ARHGAP44: variants seen among roughly 807,000 people sequenced by gnomAD.
ARHGAP44 encodes rho GTPase-activating protein 44.
In ARHGAP44, 43 loss-of-function variants were observed where a neutral mutation model predicts 106.8. That is an observed-to-expected ratio of 0.40 (90% CI 0.32 to 0.52). The LOEUF (loss-of-function observed/expected upper bound fraction) is 0.52, where lower values mean the gene tolerates loss of function less well. ARHGAP44 is among the 20% of genes least tolerant of loss of function. The pLI is 0.48. For missense variants in ARHGAP44, 866 were observed against 1,050.5 expected (o/e 0.82, Z 2.43); for synonymous variants, 439 against 410.3 (o/e 1.07, Z -0.85).
intron 1 of ARHGAP44, among the ~76,000 whole-genome samples, chr17:12,864,210 A>C (rs2036170521): frequency 1.3e-5 from 2 of 152,194 alleles, no homozygotes; most frequent in Admixed American, 1.3e-4. Flanking sequence ...GCAATTGTGA[A>C]TGAGGCTGGG....
At chr17:12,828,090 C>G (rs2034975697) in intron 1 of ARHGAP44, among the ~76,000 whole-genome samples, 1 of 146,226 alleles carries the variant, frequency 6.8e-6, no homozygotes. Flanking sequence ...TAAAATATTA[C>G]ATTGAATCAT....
At chr17:12,790,136 C>G (rs539325925) in intron 1 of ARHGAP44, 27 of 473,130 alleles carry the variant, frequency 5.7e-5, no homozygotes, top group Middle Eastern at 5.4e-4. Flanking sequence ...TGTGACGCAT[C>G]CTTTACCTGC....
chr17:12,855,473 T>G (rs1188239704), intron 1 of ARHGAP44, among the ~76,000 whole-genome samples: 1 of 152,154 alleles, frequency 6.6e-6, no homozygotes, highest in African/African-American at 2.4e-5. Flanking sequence ...TTTCTCACCA[T>G]AAGATTCTAC....
intron 1 of ARHGAP44, among the ~76,000 whole-genome samples, chr17:12,813,098 A>G (rs1281842950): frequency 1.3e-5 from 2 of 152,106 alleles, no homozygotes; most frequent in Admixed American, 1.3e-4. Context: ...GCTGCTTTGC[A>G]CCGTCCTGCC....
At chr17:12,901,215 C>T (rs1041647135) in intron 3 of ARHGAP44, among the ~76,000 whole-genome samples, 2 of 152,076 alleles carry the variant, frequency 1.3e-5, no homozygotes, top group African/African-American at 4.8e-5. Context: ...TGAGCCACCA[C>T]ACCCGGCCAA....
At chr17:12,938,600 A>AAAC in intron 7 of ARHGAP44, among the ~76,000 whole-genome samples, 1 of 151,400 alleles carries the variant, frequency 6.6e-6, no homozygotes, top group East Asian at 1.9e-4. Context: ...AAAAAAAAAA[A>AAAC]AAACAGCTGC....
intron 4 of ARHGAP44, among the ~76,000 whole-genome samples, chr17:12,912,363 A>G (rs1341242078): frequency 6.6e-6 from 1 of 152,222 alleles, no homozygotes; most frequent in African/African-American, 2.4e-5. Flanking sequence ...ATACACTCAG[A>G]CAATAGAACA....
At chr17:12,952,071 C>CAGGA (rs1357744126) in intron 12 of ARHGAP44, among the ~76,000 whole-genome samples, 3 of 152,166 alleles carry the variant, frequency 2.0e-5, no homozygotes, top group Non-Finnish European at 4.4e-5. Context: ...TAGGGATTAC[C>CAGGA]AGGACAGTGC....
intron 1 of ARHGAP44, among the ~76,000 whole-genome samples, chr17:12,880,765 C>G (rs1669336913): frequency 6.6e-6 from 1 of 152,016 alleles, no homozygotes; most frequent in Non-Finnish European, 1.5e-5. Context: ...GAATATTGTT[C>G]TGTTAAAAGG....
intron 1 of ARHGAP44, among the ~76,000 whole-genome samples, chr17:12,863,168 A>T (rs1436465729): frequency 1.3e-5 from 2 of 151,930 alleles, no homozygotes; most frequent in African/African-American, 2.4e-5. Flanking sequence ...TTAAAAAATT[A>T]AAAAAATTTT....
intron 1 of ARHGAP44, 44 bp from the exon 2 acceptor site, chr17:12,894,894 CTG>C: frequency 6.5e-7 from 1 of 1,536,072 alleles, no homozygotes; most frequent in Non-Finnish European, 8.8e-7. Flanking sequence ...TTATGAGGCT[CTG>C]TTGTTAGTTT....
At chr17:12,811,108 C>T (rs919544802) in intron 1 of ARHGAP44, among the ~76,000 whole-genome samples, 8 of 151,924 alleles carry the variant, frequency 5.3e-5, no homozygotes, top group East Asian at 1.9e-4. Flanking sequence ...GTCAGGAGAT[C>T]GAGACCATCC....
intron 1 of ARHGAP44, among the ~76,000 whole-genome samples, chr17:12,846,023 A>T (rs1046663249): frequency 6.7e-6 from 1 of 148,534 alleles, no homozygotes. Context: ...GGTGAGTGAG[A>T]ACTTTGACCT....
Position 12,974,158 on chromosome 17 carries a change from C to A in ARHGAP44, c.1611C>A (p.Ser537=). 6.4e-7 allele frequency: 1 copy of A among 1,556,174 alleles called. No individual in the cohort carries two copies. Among genetic ancestry groups the A allele is most frequent in the Non-Finnish European group, 8.7e-7 (1 of 1,150,464 alleles). The change falls in exon 18 of 21, where the codon TCC becomes TCA. Residue 537 remains serine (S), a synonymous_variant. Coordinates refer to ENST00000379672, the MANE Select transcript of ARHGAP44 (RefSeq NM_014859.6). ...RRGSSAGRKV[S]CAPPSMQPPA... is the part of the protein sequence containing the mutation. ...GCTCCTCGGCCGGTCGGAAAGTGTCCTGCGCCCCGCCCTCCATGCAGCCTC... is the reference window on the plus strand; with the variant it reads ...GCTCCTCGGCCGGTCGGAAAGTGTCATGCGCCCCGCCCTCCATGCAGCCTC...
At chr17:12,973,254 A>T in intron 16 of ARHGAP44, 48 bp from the exon 17 acceptor site, 4 of 1,584,750 alleles carry the variant, frequency 2.5e-6, no homozygotes, top group Non-Finnish European at 3.4e-6. Flanking sequence ...GTCCAAAGGA[A>T]GGCCTAGATT....
intron 1 of ARHGAP44, among the ~76,000 whole-genome samples, chr17:12,817,203 A>G (rs764491138): frequency 2.9e-4 from 44 of 152,222 alleles, no homozygotes; most frequent in Middle Eastern, 3.4e-3. Context: ...ATTAAAAAGT[A>G]TTTAGAACTG....
chr17:12,910,880 A>G (rs1168233064), intron 4 of ARHGAP44, among the ~76,000 whole-genome samples: 4 of 152,136 alleles, frequency 2.6e-5, no homozygotes, highest in Non-Finnish European at 4.4e-5. Context: ...TAAATTTAAC[A>G]TCCAAAAAAT....
In ARHGAP44 at chr17:12,789,894, A is replaced by G. The variant is rs760431875; in HGVS notation, c.53+3A>G. ...CTGGCCAACCAGACGGTGGGCAGGT[A>G]GGTCACCCGCGGGCACCGCTGTCGG... On this transcript the variant is annotated splice_donor_region_variant and intron_variant, in intron 1 of 20. Coordinates refer to ENST00000379672, the MANE Select transcript of ARHGAP44 (RefSeq NM_014859.6). 2 of 1,519,988 alleles carry G rather than the reference A, an allele frequency of 1.3e-6. No individual in the cohort carries two copies. The highest frequency in any genetic ancestry group is 1.8e-6 in the Non-Finnish European group (2 of 1,136,312). The allele number at this position is 1,519,988 out of a possible 1,614,324, so 94.2% of individuals were successfully genotyped here.
chr17:12,822,930 A>C (rs1395452813), intron 1 of ARHGAP44, among the ~76,000 whole-genome samples: 1 of 152,176 alleles, frequency 6.6e-6, no homozygotes. Context: ...CTCCTTGTCT[A>C]CTGCACTGTG....
Sources: allele counts gnomAD v4.1 joint callset (sites outside exome capture counted in the v4.1 genomes callset), GRCh38; gene constraint gnomAD v4.1.1; transcripts MANE v1.5; gene names NCBI Gene and HGNC (gene_info 2026-07-23, HGNC 2026-07-21).